RBFOX1: variants seen among roughly 807,000 people sequenced by gnomAD.
RBFOX1 encodes the protein RNA binding fox-1 homolog 1.
Under a neutral mutation model 57.7 loss-of-function variants are expected in RBFOX1, and 8 were observed. The ratio of observed to expected loss-of-function variants is 0.14; its 90% CI spans 0.08 to 0.25. The LOEUF (loss-of-function observed/expected upper bound fraction) is 0.25. RBFOX1 is among the 10% of genes least tolerant of loss of function. The probability of loss-of-function intolerance (pLI) is 1.00; values close to 1 mark genes in which losing one functional copy is unlikely to be tolerated. For missense variants in RBFOX1, 611 were observed against 548.5 expected (o/e 1.11, Z -1.14); for synonymous variants, 326 against 222.4 (o/e 1.47, Z -4.15).
At chr16:6,443,246 T>G (rs72760926) in intron 2 of RBFOX1, among the ~76,000 whole-genome samples, 1,993 of 152,266 alleles carry the variant, frequency 0.013, 32 homozygotes, top group Non-Finnish European at 0.019. Context: ...TTTCCTCCCT[T>G]GTTTTCCTCC....
At chr16:6,345,603 G>C (rs368596535) in intron 2 of RBFOX1, among the ~76,000 whole-genome samples, 1 of 152,072 alleles carries the variant, frequency 6.6e-6, no homozygotes, top group African/African-American at 2.4e-5. Flanking sequence ...ATACTTACTC[G>C]GTCCCAGCTA....
chr16:5,285,234 A>G (rs754359975), intron 1 of RBFOX1, among the ~76,000 whole-genome samples: 7 of 152,068 alleles, frequency 4.6e-5, no homozygotes, highest in South Asian at 2.1e-4. Context: ...GATCTAGTCT[A>G]TTGTTAAAGC....
chr16:5,491,779 A>G (rs2042837406), intron 2 of RBFOX1, among the ~76,000 whole-genome samples: 2 of 152,234 alleles, frequency 1.3e-5, no homozygotes, highest in Non-Finnish European at 2.9e-5. Flanking sequence ...CTCTTGAGCT[A>G]GAAACATCTT....
intron 4 of RBFOX1, among the ~76,000 whole-genome samples, chr16:7,419,607 GC>G (rs1398232515): frequency 6.6e-6 from 1 of 152,182 alleles, no homozygotes; most frequent in Admixed American, 6.5e-5. Context: ...TGATAACAGG[GC>G]CCCCTGCCCT....
chr16:7,426,817 G>A (rs573355666), intron 4 of RBFOX1, among the ~76,000 whole-genome samples: 9 of 152,334 alleles, frequency 5.9e-5, no homozygotes, highest in Admixed American at 5.9e-4. Flanking sequence ...AGGCAAGGCA[G>A]GCTGTCTGGG....
intron 3 of RBFOX1, among the ~76,000 whole-genome samples, chr16:6,972,074 A>G (rs998029053): frequency 1.1e-4 from 16 of 152,204 alleles, no homozygotes; most frequent in African/African-American, 3.6e-4. Context: ...AAAGAGATAT[A>G]TTACAGCATT....
chr16:6,088,955 G>C (rs567657006), intron 1 of RBFOX1, among the ~76,000 whole-genome samples: 6 of 151,976 alleles, frequency 3.9e-5, no homozygotes, highest in South Asian at 2.1e-4. Flanking sequence ...AATTAGCTGG[G>C]TGTGGTGGCG....
intron 3 of RBFOX1, among the ~76,000 whole-genome samples, chr16:6,813,744 C>G (rs1260007547): frequency 2.6e-5 from 4 of 152,170 alleles, no homozygotes; most frequent in African/African-American, 4.8e-5. Context: ...GTTATAAAAT[C>G]AAACCTCCTG....
intron 12 of RBFOX1, among the ~76,000 whole-genome samples, chr16:7,661,110 A>T (rs2067608269): frequency 6.6e-6 from 1 of 152,132 alleles, no homozygotes; most frequent in Admixed American, 6.5e-5. Context: ...TATTAGGGAG[A>T]AAAACAATGT....
At chr16:6,073,041 T>C (rs2095855546) in intron 1 of RBFOX1, among the ~76,000 whole-genome samples, 1 of 152,198 alleles carries the variant, frequency 6.6e-6, no homozygotes. Flanking sequence ...TATGGACATA[T>C]CTCAGACACA....
chr16:6,211,210 T>A (rs1398638638), intron 1 of RBFOX1, among the ~76,000 whole-genome samples: 1 of 145,386 alleles, frequency 6.9e-6, no homozygotes, highest in Non-Finnish European at 1.5e-5. Flanking sequence ...TTTTGGTTAG[T>A]GCCTGAAATC....
At chr16:5,976,551 G>T (rs1258093415) in intron 4 of RBFOX1, among the ~76,000 whole-genome samples, 1 of 152,068 alleles carries the variant, frequency 6.6e-6, no homozygotes, top group African/African-American at 2.4e-5. Flanking sequence ...GGAACATCAC[G>T]GTCTCTATCC....
Position 6,223,250 on chromosome 16 carries a change from G to C in RBFOX1, c.-126-93745G>C, listed in dbSNP as rs567240834. On this transcript the variant is annotated intron_variant, in intron 1 of 15. Transcript: ENST00000550418. Reference sequence around the variant, plus strand: ...ATGGCTGGGTCAAATGGTATTTCTGGTTCTAGATCCCTGAGGAATCGCCAC... The same window carrying C: ...ATGGCTGGGTCAAATGGTATTTCTGCTTCTAGATCCCTGAGGAATCGCCAC... 7.0e-3 allele frequency among the ~76,000 whole-genome samples: 1,056 copies of C among 151,264 alleles called. 7 individuals carry two copies. Among genetic ancestry groups the C allele is most frequent in the African/African-American group, 0.022 (891 of 41,204 alleles).
chr16:7,264,306 G>T (rs548480264), intron 4 of RBFOX1, among the ~76,000 whole-genome samples: 1 of 152,276 alleles, frequency 6.6e-6, no homozygotes, highest in South Asian at 2.1e-4. Flanking sequence ...AGGCACTAAA[G>T]CAAAAACAAA....
At chr16:6,807,429 A>T (rs780979036) in intron 3 of RBFOX1, among the ~76,000 whole-genome samples, 32 of 152,102 alleles carry the variant, frequency 2.1e-4, no homozygotes, top group Admixed American at 5.9e-4. Flanking sequence ...ATTCACCTGG[A>T]TGGGAAATGC....
intron 3 of RBFOX1, among the ~76,000 whole-genome samples, chr16:5,762,302 T>C (rs1013449138): frequency 6.8e-6 from 1 of 147,502 alleles, no homozygotes. Context: ...GATTTAAAAG[T>C]GAAATAAGAC....
intron 4 of RBFOX1, among the ~76,000 whole-genome samples, chr16:7,440,813 C>T (rs1336032310): frequency 6.6e-6 from 1 of 152,246 alleles, no homozygotes; most frequent in African/African-American, 2.4e-5. Flanking sequence ...CATTTAGCAG[C>T]CCTCAAGGGG....
At chr16:5,393,756 C>G (rs2066475704) in intron 1 of RBFOX1, among the ~76,000 whole-genome samples, 3 of 152,178 alleles carry the variant, frequency 2.0e-5, no homozygotes, top group Non-Finnish European at 2.9e-5. Context: ...ACCATGTGTA[C>G]AGTTCATTGG....
At chr16:5,769,038 C>G (rs2053887313) in intron 3 of RBFOX1, among the ~76,000 whole-genome samples, 1 of 151,588 alleles carries the variant, frequency 6.6e-6, no homozygotes, top group Admixed American at 6.6e-5. Context: ...AGCAGAAAGC[C>G]TTGTTATAAA....
Sources: allele counts gnomAD v4.1 joint callset (sites outside exome capture counted in the v4.1 genomes callset), GRCh38; gene constraint gnomAD v4.1.1; transcripts MANE v1.5; gene names NCBI Gene and HGNC (gene_info 2026-07-23, HGNC 2026-07-21).